Variants in ERBB4 observed in about 807,000 individuals in gnomAD.
ERBB4 encodes the protein receptor tyrosine-protein kinase erbB-4.
In ERBB4, 42 loss-of-function variants were observed where a neutral mutation model predicts 158.0. That is an observed-to-expected ratio of 0.27 (90% CI 0.21 to 0.34). The LOEUF (loss-of-function observed/expected upper bound fraction) is 0.34. ERBB4 is among the 10% of genes least tolerant of loss of function. The pLI, the probability that ERBB4 is intolerant of heterozygous loss-of-function variation, is 1.00. For synonymous variants in ERBB4, 583 were observed against 558.7 expected (o/e 1.04, Z -0.61); for missense variants, 1,333 against 1,624.1 (o/e 0.82, Z 3.08).
At chr2:212,138,330 T>C (rs2080338572) in intron 1 of ERBB4, among the ~76,000 whole-genome samples, 1 of 152,176 alleles carries the variant, frequency 6.6e-6, no homozygotes, top group African/African-American at 2.4e-5. Flanking sequence ...ACCGATCTAC[T>C]CAGCAGCATC....
intron 1 of ERBB4, among the ~76,000 whole-genome samples, chr2:212,505,884 A>G (rs1207106151): frequency 1.3e-5 from 2 of 148,842 alleles, no homozygotes; most frequent in Non-Finnish European, 3.0e-5. Flanking sequence ...ATATAGGGTA[A>G]AATAAAATCC....
At chr2:211,929,655 A>G (rs544969198) in intron 3 of ERBB4, among the ~76,000 whole-genome samples, 1 of 152,316 alleles carries the variant, frequency 6.6e-6, no homozygotes, top group Admixed American at 6.5e-5. Flanking sequence ...TTTATATAAA[A>G]ATAAATTATT....
chr2:212,388,897 G>A (rs1458424049), intron 1 of ERBB4, among the ~76,000 whole-genome samples: 1 of 152,078 alleles, frequency 6.6e-6, no homozygotes, highest in Non-Finnish European at 1.5e-5. Flanking sequence ...CTCTAACAAA[G>A]AAGAATCTGA....
intron 1 of ERBB4, among the ~76,000 whole-genome samples, chr2:212,194,291 TACACACAC>T (rs5838307): frequency 1.2e-3 from 177 of 148,834 alleles, no homozygotes; most frequent in African/African-American, 3.9e-3. Context: ...AAATAGTTTA[TACACACAC>T]ACACACACAC....
intron 2 of ERBB4, among the ~76,000 whole-genome samples, chr2:212,012,742 A>G (rs932213625): frequency 2.0e-5 from 3 of 150,510 alleles, no homozygotes; most frequent in African/African-American, 7.4e-5. Context: ...TGTTGTTTTT[A>G]TTTTATTTTA....
At chr2:212,268,636 T>C (rs1046229529) in intron 1 of ERBB4, among the ~76,000 whole-genome samples, 2 of 151,894 alleles carry the variant, frequency 1.3e-5, no homozygotes, top group African/African-American at 4.8e-5. Flanking sequence ...CTAGGCCATA[T>C]AATGTCTGTC....
chr2:211,386,153 G>T (rs1227904583), intron 27 of ERBB4, among the ~76,000 whole-genome samples: 1 of 152,088 alleles, frequency 6.6e-6, no homozygotes, highest in African/African-American at 2.4e-5. Flanking sequence ...TTGTGATACT[G>T]TTAGCATAGA....
chr2:212,470,016 G>C (rs1040122768), intron 1 of ERBB4, among the ~76,000 whole-genome samples: 1 of 152,020 alleles, frequency 6.6e-6, no homozygotes, highest in Non-Finnish European at 1.5e-5. Flanking sequence ...TAGTAATCCT[G>C]AAATTCTCTG....
intron 1 of ERBB4, among the ~76,000 whole-genome samples, chr2:212,231,292 G>GAA (rs894465595): frequency 6.9e-6 from 1 of 145,880 alleles, no homozygotes. Context: ...TGTCCGAAAG[G>GAA]AAAAAAAAAA....
intron 19 of ERBB4, among the ~76,000 whole-genome samples, chr2:211,585,134 C>T (rs913273921): frequency 3.3e-5 from 5 of 152,122 alleles, no homozygotes; most frequent in Admixed American, 6.5e-5. Context: ...GGGCGGATCA[C>T]GAAGTCAGGA....
chr2:211,928,664 C>T (rs2080086111), intron 3 of ERBB4, among the ~76,000 whole-genome samples: 2 of 152,088 alleles, frequency 1.3e-5, no homozygotes, highest in Admixed American at 6.6e-5. Context: ...TGTCCAGCTT[C>T]AGTTTAAAAG....
intron 2 of ERBB4, among the ~76,000 whole-genome samples, chr2:211,952,091 T>G (rs1025149012): frequency 5.3e-5 from 8 of 152,050 alleles, no homozygotes; most frequent in Non-Finnish European, 1.0e-4. Context: ...AACTGAAGCA[T>G]TTTAAAAAGA....
At chr2:211,431,189 A>G in intron 20 of ERBB4, 89 bp from the exon 21 acceptor site, 1 of 1,208,556 alleles carries the variant, frequency 8.3e-7, no homozygotes, top group Non-Finnish European at 1.2e-6. Flanking sequence ...CTTCAGTTGG[A>G]AGTGCCTAAT....
At chr2:211,763,348 A>T (rs2075464001) in intron 4 of ERBB4, among the ~76,000 whole-genome samples, 1 of 152,164 alleles carries the variant, frequency 6.6e-6, no homozygotes, top group Admixed American at 6.5e-5. Context: ...TCCTATATAA[A>T]TTCATAAGAA....
intron 16 of ERBB4, among the ~76,000 whole-genome samples, chr2:211,636,024 C>T (rs899039364): frequency 5.3e-5 from 8 of 151,774 alleles, no homozygotes; most frequent in African/African-American, 1.9e-4. Flanking sequence ...GAAGAAAGGT[C>T]TTCAGGATTT....
At chr2:211,899,037 A>G (rs573244456) in intron 3 of ERBB4, among the ~76,000 whole-genome samples, 10 of 152,256 alleles carry the variant, frequency 6.6e-5, no homozygotes, top group African/African-American at 2.4e-4. Context: ...TACCTATTAT[A>G]ACAATAAATA....
chr2:211,464,971 CTTTTTTT>C (rs908796417), intron 20 of ERBB4, among the ~76,000 whole-genome samples: 5 of 75,666 alleles, frequency 6.6e-5, no homozygotes, highest in South Asian at 6.7e-4. Flanking sequence ...CCTTGTTTTT[CTTTTTTT>C]TTTCTTTTTT....
At chr2:212,021,712 A>G (rs964247625) in intron 2 of ERBB4, among the ~76,000 whole-genome samples, 2 of 152,178 alleles carry the variant, frequency 1.3e-5, no homozygotes, top group Admixed American at 6.6e-5. Flanking sequence ...AAAAGAAAAG[A>G]TTGATAAATG....
intron 3 of ERBB4, among the ~76,000 whole-genome samples, chr2:211,828,338 G>GA (rs1320936147): frequency 1.3e-5 from 2 of 151,800 alleles, no homozygotes; most frequent in Non-Finnish European, 2.9e-5. Context: ...CGCACCAGAA[G>GA]AAAAATAAAC....
Sources: allele counts gnomAD v4.1 joint callset (sites outside exome capture counted in the v4.1 genomes callset), GRCh38; gene constraint gnomAD v4.1.1; transcripts MANE v1.5; gene names NCBI Gene and HGNC (gene_info 2026-07-23, HGNC 2026-07-21).